The following PRUNE2 variants were observed in gnomAD, a reference collection of about 807,000 sequenced individuals.
PRUNE2 encodes prune homolog 2 with BCH domain.
PRUNE2 carries 164 observed loss-of-function variants against 252.0 expected under a neutral mutation model. The ratio of observed to expected loss-of-function variants is 0.65; its 90% CI spans 0.57 to 0.74. PRUNE2 has a LOEUF of 0.74. PRUNE2 is among the 30% of genes least tolerant of loss of function. The pLI, the probability that PRUNE2 is intolerant of heterozygous loss-of-function variation, is 0.00. For missense variants in PRUNE2, 3,495 were observed against 3,711.0 expected, an observed-to-expected ratio of 0.94 and a Z score of 1.51; for synonymous variants, 1,292 against 1,350.2, an observed-to-expected ratio of 0.96 and a Z score of 0.94.
Position 76,709,129 on chromosome 9 carries a change from T to C in PRUNE2, c.3145A>G (p.Asn1049Asp), listed in dbSNP as rs2134956811. 2 of 1,614,000 alleles carry C rather than the reference T, an allele frequency of 1.2e-6. No homozygotes were observed. Among genetic ancestry groups the C allele is most frequent in the South Asian group, 2.2e-5 (2 of 91,078 alleles). The change falls in exon 8 of 19, where the codon AAC becomes GAC. Residue 1049 changes from asparagine to aspartate, a missense_variant. Asn to Asp is a conservative substitution (Grantham distance 23). Transcript: ENST00000376718. ...DNSSEINTTHNLDENELKTEH... is the reference protein window; with the variant it reads ...DNSSEINTTHDLDENELKTEH... ...GTCTTGAGTTCATTTTCATCCAGGT[T>C]GTGAGTGGTATTTATTTCAGAACTG...
intron 6 of PRUNE2, among the ~76,000 whole-genome samples, chr9:76,763,278 T>C (rs2130774393): frequency 1.3e-5 from 2 of 152,324 alleles, no homozygotes; most frequent in South Asian, 4.1e-4. Context: ...GCAGGACTAC[T>C]GGTGTCACAG....
intron 6 of PRUNE2, among the ~76,000 whole-genome samples, chr9:76,787,844 C>G (rs535029560): frequency 6.6e-6 from 1 of 152,194 alleles, no homozygotes; most frequent in Non-Finnish European, 1.5e-5. Flanking sequence ...TGCACAGTGC[C>G]GAAGGCCTTA....
chr9:76,641,837 G>T, intron 12 of PRUNE2: 3 of 1,089,916 alleles, frequency 2.8e-6, no homozygotes, highest in Non-Finnish European at 3.9e-6. Flanking sequence ...AAGTTTGCTG[G>T]CCAGCAATGG....
At chr9:76,786,490 T>C (rs2131314865) in intron 6 of PRUNE2, 1 of 152,398 alleles carries the variant, frequency 6.6e-6, no homozygotes, top group Non-Finnish European at 1.5e-5. Context: ...TCTCCTATTA[T>C]GGATGCTAGC....
intron 1 of PRUNE2, among the ~76,000 whole-genome samples, chr9:76,859,251 A>G (rs1589628486): frequency 6.6e-6 from 1 of 152,364 alleles, no homozygotes; most frequent in Non-Finnish European, 1.5e-5. Flanking sequence ...ATATGCTTTC[A>G]AAGTGTAATC....
At chr9:76,901,720 T>C (rs920658949) in intron 1 of PRUNE2, among the ~76,000 whole-genome samples, 9 of 152,222 alleles carry the variant, frequency 5.9e-5, no homozygotes, top group Non-Finnish European at 8.8e-5. Flanking sequence ...TCACAGAGTA[T>C]GAGCTGACAT....
intron 9 of PRUNE2, among the ~76,000 whole-genome samples, chr9:76,666,064 T>C (rs892203950): frequency 6.6e-6 from 1 of 152,146 alleles, no homozygotes; most frequent in Non-Finnish European, 1.5e-5. Flanking sequence ...CATACAGTGA[T>C]AGGAGCTGAG....
At position 76,706,228 on chromosome 9, in the gene PRUNE2, C is replaced by G. The variant is rs375857084; in HGVS notation, c.6046G>C (p.Glu2016Gln). Residue 2016 changes from glutamate to glutamine, a missense_variant, in exon 8 of 19, where the codon GAA becomes CAA. By Grantham distance (29) the Glu-to-Gln change is conservative (BLOSUM62 2). Coordinates refer to ENST00000376718, the MANE Select transcript of PRUNE2 (RefSeq NM_015225.3). ...GEMTNSSIAT[E>Q]NFPAVSSPTQ... Reference sequence around the variant, plus strand: ...GGAGAACTGACAGCAGGAAAATTTTCTGTGGCAATGCTTGAATTTGTCATC... The same window carrying G: ...GGAGAACTGACAGCAGGAAAATTTTGTGTGGCAATGCTTGAATTTGTCATC... 2.5e-6 allele frequency: 4 copies of G among 1,613,886 alleles called. No homozygotes were observed. The African/African-American group carries it at 5.3e-5, about 22-fold the overall frequency.
intron 6 of PRUNE2, among the ~76,000 whole-genome samples, chr9:76,774,252 G>C (rs1473551207): frequency 6.6e-6 from 1 of 150,582 alleles, no homozygotes; most frequent in Non-Finnish European, 1.5e-5. Flanking sequence ...CCTCCCACCT[G>C]ACCCCCCTGA....
At chr9:76,716,811 C>T (rs529438985) in intron 6 of PRUNE2, among the ~76,000 whole-genome samples, 1 of 149,846 alleles carries the variant, frequency 6.7e-6, no homozygotes. Flanking sequence ...CCTCCCCTCG[C>T]CCCCCAACCC....
intron 11 of PRUNE2, among the ~76,000 whole-genome samples, chr9:76,650,854 C>T (rs892183928): frequency 6.6e-6 from 1 of 152,114 alleles, no homozygotes; most frequent in African/African-American, 2.4e-5. Context: ...ATAAAAGGTT[C>T]AGATGTGGTG....
intron 9 of PRUNE2, among the ~76,000 whole-genome samples, chr9:76,687,867 T>C (rs1043630970): frequency 1.3e-5 from 2 of 152,198 alleles, no homozygotes; most frequent in Non-Finnish European, 2.9e-5. Context: ...ATTTCAGAGA[T>C]AGCAGCAGTT....
chr9:76,802,496 C>G lies in PRUNE2; in HGVS notation c.756+21136G>C, dbSNP rs368163962. The stretch of plus-strand genomic sequence containing the variant: ...CAGGCAGCGGAAAAATATCTCTGAA[C>G]AGCATTGTAAGTTGCTGAGATTTTT... On this transcript the variant is annotated intron_variant, in intron 6 of 18. Coordinates refer to ENST00000376718, the MANE Select transcript of PRUNE2 (RefSeq NM_015225.3). 3.0e-4 allele frequency among the ~76,000 whole-genome samples: 45 copies of G among 152,292 alleles called. No homozygotes were observed. The South Asian group carries it at 9.3e-3, about 32-fold the overall frequency.
At chr9:76,781,218 T>C (rs1389387168) in intron 6 of PRUNE2, among the ~76,000 whole-genome samples, 1 of 152,150 alleles carries the variant, frequency 6.6e-6, no homozygotes, top group Non-Finnish European at 1.5e-5. Context: ...CCATTAACTC[T>C]TTGCCACATC....
intron 1 of PRUNE2, among the ~76,000 whole-genome samples, chr9:76,893,987 A>C (rs2062651823): frequency 6.6e-6 from 1 of 152,220 alleles, no homozygotes; most frequent in East Asian, 1.9e-4. Context: ...AAACAATAGA[A>C]GAAAGATTCA....
intron 6 of PRUNE2, among the ~76,000 whole-genome samples, chr9:76,783,038 A>T (rs916436823): frequency 2.0e-5 from 3 of 152,306 alleles, no homozygotes; most frequent in African/African-American, 7.2e-5. Context: ...AGTGCCCAAA[A>T]CAGTCCACAT....
At chr9:76,738,621 A>G (rs944082839) in intron 6 of PRUNE2, 1 of 152,226 alleles carries the variant, frequency 6.6e-6, no homozygotes, top group African/African-American at 2.4e-5. Context: ...CTCAAATTAC[A>G]TGATGAACAT....
intron 9 of PRUNE2, among the ~76,000 whole-genome samples, chr9:76,659,594 T>C (rs1354709410): frequency 2.0e-5 from 3 of 152,204 alleles, no homozygotes; most frequent in Non-Finnish European, 4.4e-5. Context: ...TTATCCAAAA[T>C]GCTTGGGACC....
intron 4 of PRUNE2, among the ~76,000 whole-genome samples, chr9:76,829,376 C>T (rs1203925269): frequency 3.3e-5 from 5 of 151,856 alleles, no homozygotes; most frequent in African/African-American, 4.8e-5. Context: ...AGTTTAGGGC[C>T]CTCTACAGAA....
Sources: allele counts gnomAD v4.1 joint callset (sites outside exome capture counted in the v4.1 genomes callset), GRCh38; gene constraint gnomAD v4.1.1; transcripts MANE v1.5; gene names NCBI Gene and HGNC (gene_info 2026-07-23, HGNC 2026-07-21).